AHSA1: variants seen among roughly 807,000 people sequenced by gnomAD.
AHSA1 encodes activator of HSP90 ATPase activity 1.
Under a neutral mutation model 46.1 loss-of-function variants are expected in AHSA1, and 14 were observed. That is an observed-to-expected ratio of 0.30 (90% CI 0.20 to 0.47). AHSA1 has a LOEUF of 0.47. Among genes scored for constraint, AHSA1 ranks in the 20% least tolerant of loss-of-function variants. The pLI, the probability that AHSA1 is intolerant of heterozygous loss-of-function variation, is 0.99. For missense variants in AHSA1, 333 were observed against 415.9 expected, an observed-to-expected ratio of 0.80 and a Z score of 1.73; for synonymous variants, 147 against 145.8, an observed-to-expected ratio of 1.01 and a Z score of -0.06.
Position 77,459,711 on chromosome 14 carries a change from C to T in AHSA1, c.176C>T (p.Thr59Met), listed in dbSNP as rs2079013408. The change falls in exon 2 of 9, where the codon ACG (threonine) becomes ATG (methionine). Residue 59 changes from threonine (T) to methionine (M), a missense_variant. Thr to Met is a moderately conservative substitution (Grantham distance 81). Coordinates refer to ENST00000216479, the MANE Select transcript of AHSA1 (RefSeq NM_012111.3). ...VQNEEGKCEV[T>M]EVSKLDGEAS... is the part of the protein sequence containing the mutation. Reference sequence around the variant, plus strand: ...AATGAAGAAGGCAAGTGTGAGGTGACGGAAGTGAGTAAGCTTGATGGAGAG... The same window carrying T: ...AATGAAGAAGGCAAGTGTGAGGTGATGGAAGTGAGTAAGCTTGATGGAGAG... 3.1e-6 allele frequency: 5 copies of T among 1,613,996 alleles called. No individual in the cohort carries two copies. The highest frequency in any genetic ancestry group is 2.2e-5 in the South Asian group (2 of 91,088).
chr14:77,460,917 T>C (rs1226932926), intron 2 of AHSA1, among the ~76,000 whole-genome samples: 1 of 151,900 alleles, frequency 6.6e-6, no homozygotes, highest in African/African-American at 2.4e-5. Flanking sequence ...CCCAGCACTT[T>C]GGGAGGCCAA....
intron 8 of AHSA1, 87 bp from the exon 9 acceptor site, chr14:77,468,990 G>C (rs1415897903): frequency 6.7e-7 from 1 of 1,493,890 alleles, no homozygotes; most frequent in South Asian, 1.2e-5. Flanking sequence ...TTACAGGTGT[G>C]AGCCACCACG....
chr14:77,462,657 G>A lies in AHSA1; in HGVS notation c.370G>A (p.Ala124Thr). The A allele has an allele frequency of 6.2e-7, 1 of 1,614,152 alleles. No individual in the cohort carries two copies. The highest frequency in any genetic ancestry group is 1.3e-5 in the African/African-American group (1 of 75,048). The change falls in exon 4 of 9, where the codon GCC becomes ACC. Residue 124 changes from alanine (A) to threonine (T), a missense_variant. Physicochemically the swap from Ala to Thr is moderately conservative, Grantham distance 58 (BLOSUM62 0). Transcript: ENST00000216479. ...VDEVEISVSL[A>T]KDEPDTNLVA... ...TTTCACCCAGATTAGTGTGAGCCTTGCCAAAGATGAGCCTGACACAAATCT... is the reference window on the plus strand; with the variant it reads ...TTTCACCCAGATTAGTGTGAGCCTTACCAAAGATGAGCCTGACACAAATCT...
At position 77,460,779 on chromosome 14, in the gene AHSA1, C is replaced by T. The variant is rs191629328; in HGVS notation, c.271+973C>T. Among the ~76,000 whole-genome samples, 750 of 151,498 alleles carry T rather than the reference C, an allele frequency of 5.0e-3. 7 individuals are homozygous for T. Among genetic ancestry groups the T allele is most frequent in the African/African-American group, 0.017 (704 of 41,258 alleles). On this transcript the variant is annotated intron_variant, in intron 2 of 8. Transcript: ENST00000216479. ...TTCACCATGTTGGCCAGGCTGGTCT[C>T]GAACTGTGTCTGGCCGACGCTTTTT... is the stretch of plus-strand genomic sequence containing the variant.
At chr14:77,462,998 G>A (rs2079032312) in intron 4 of AHSA1, 1 of 400,268 alleles carries the variant, frequency 2.5e-6, no homozygotes, top group East Asian at 4.9e-5. Flanking sequence ...GTACTGTGAT[G>A]GCCTGGCGCG....
Position 77,462,234 on chromosome 14 carries a change from G to A in AHSA1, c.346G>A (p.Glu116Lys). The A allele has an allele frequency of 6.2e-7, 1 of 1,613,412 alleles. No homozygotes were observed. Among genetic ancestry groups the A allele is most frequent in the Non-Finnish European group, 8.5e-7 (1 of 1,179,302 alleles). The stretch of plus-strand genomic sequence containing the variant: ...TTTGTCTGATGAAAACAGCGTGGAT[G>A]AAGTGGAGGTTTGTGCTTCATAACT... ...PNLSDENSVD[E>K]VEISVSLAKD... The change falls in exon 3 of 9, where the codon GAA (glutamate) becomes AAA (lysine). Residue 116 changes from glutamate (E) to lysine (K), a missense_variant. Coordinates refer to ENST00000216479, the MANE Select transcript of AHSA1 (RefSeq NM_012111.3).
At chr14:77,463,705 C>G (rs2079036138) in intron 4 of AHSA1, among the ~76,000 whole-genome samples, 1 of 152,042 alleles carries the variant, frequency 6.6e-6, no homozygotes, top group African/African-American at 2.4e-5. Context: ...TCTGGACTAT[C>G]TTTGATATGC....
intron 6 of AHSA1, 129 bp downstream of exon 6, chr14:77,465,796 A>C (rs1038241851): frequency 2.2e-6 from 2 of 907,656 alleles, no homozygotes; most frequent in African/African-American, 3.4e-5. Flanking sequence ...TGAGGCCTTC[A>C]TCAAAGTGAA....
At chr14:77,459,441 C>T (rs1345222897) in intron 1 of AHSA1, among the ~76,000 whole-genome samples, 175 bp from the exon 2 acceptor site, 1 of 152,128 alleles carries the variant, frequency 6.6e-6, no homozygotes, top group Admixed American at 6.6e-5. Flanking sequence ...CAGTGTGCAA[C>T]CCCTTGTCTT....
At position 77,465,320 on chromosome 14, in the gene AHSA1, T is replaced by G. The variant is rs144154385; in HGVS notation, c.562-219T>G. Among the ~76,000 whole-genome samples, 465 of 152,358 alleles carry G rather than the reference T, an allele frequency of 3.1e-3. 3 individuals are homozygous for G. Among genetic ancestry groups the G allele is most frequent in the African/African-American group, 0.011 (437 of 41,590 alleles). On this transcript the variant is annotated intron_variant, in intron 5 of 8. Transcript: ENST00000216479. The stretch of plus-strand genomic sequence containing the variant: ...TATTTGACTATCAGGGTCTTCCTTG[T>G]AGAGTGGTTATTTTTACTGGGAATT...
chr14:77,460,359 C>T (rs2139936882), intron 2 of AHSA1: 1 of 162,156 alleles, frequency 6.2e-6, no homozygotes, highest in Non-Finnish European at 1.4e-5. Flanking sequence ...TAAAAAGGCA[C>T]TAAAGCTAAG....
rs368267453 is a variant in AHSA1, at chr14:77,469,081, C to T, written c.849C>T (p.His283=). 3.7e-5 allele frequency: 60 copies of T among 1,613,958 alleles called. No individual in the cohort carries two copies. In the Middle Eastern group the frequency reaches 6.6e-4, roughly 18 times the overall value. ...KWRFKSWPEG[H]FATITLTFID... The stretch of plus-strand genomic sequence containing the variant: ...CGTCCCCTCTGCCTTTCCCAGGACA[C>T]TTTGCCACCATCACCTTGACCTTCA... Residue 283 remains histidine (H), a synonymous_variant, in exon 9 of 9, where the codon CAC becomes CAT. Coordinates refer to ENST00000216479, the MANE Select transcript of AHSA1 (RefSeq NM_012111.3).
intron 5 of AHSA1, 81 bp from the exon 6 acceptor site, chr14:77,465,458 T>C (rs1206680399): frequency 6.1e-6 from 9 of 1,464,532 alleles, no homozygotes; most frequent in Middle Eastern, 1.8e-4. Flanking sequence ...TGAGAATGAA[T>C]GGTACAACTG....
chr14:77,459,855 C>G (rs1272075216), intron 2 of AHSA1, 49 bp downstream of exon 2: 1 of 1,596,806 alleles, frequency 6.3e-7, no homozygotes. Context: ...TTTGTTTAAC[C>G]TGTTAAGTAG....
In AHSA1 at chr14:77,458,147, C is replaced by A. The variant is rs1350527721; in HGVS notation, c.-43C>A. 3 of 1,500,196 alleles carry A rather than the reference C, an allele frequency of 2.0e-6. No homozygotes were observed. The highest frequency in any genetic ancestry group is 2.7e-5 in the East Asian group (1 of 37,192). The allele number at this position is 1,500,196 out of a possible 1,614,324, so 92.9% of individuals were successfully genotyped here. A position where few individuals can be genotyped will look rare whatever the true frequency, so the allele number is the denominator to read the frequency against. ...GCACTAAGCGGTCCTGAGGCTGTGG[C>A]TACGGCTGCTCCGGAGCTGGTGGCG... On this transcript the variant is annotated 5_prime_UTR_variant, in exon 1 of 9. Transcript: ENST00000216479.
chr14:77,462,310 T>C, intron 3 of AHSA1, 68 bp downstream of exon 3: 1 of 1,461,846 alleles, frequency 6.8e-7, no homozygotes, highest in Non-Finnish European at 9.6e-7. Flanking sequence ...AAAAGTGACC[T>C]GTCATTCAGG....
chr14:77,459,753 G>A lies in AHSA1; in HGVS notation c.218G>A (p.Arg73His), dbSNP rs2079013609. ...KLDGEASINN[R>H]KGKLIFFYEW... is the part of the protein sequence containing the mutation. ...GATGGAGAGGCATCCATTAACAATCGCAAAGGGAAACTTATCTTCTTTTAT... is the reference window on the plus strand; with the variant it reads ...GATGGAGAGGCATCCATTAACAATCACAAAGGGAAACTTATCTTCTTTTAT... The change falls in exon 2 of 9, where the codon CGC becomes CAC. Residue 73 changes from arginine to histidine, a missense_variant. By Grantham distance (29) the Arg-to-His change is conservative (BLOSUM62 0). Coordinates refer to ENST00000216479, the MANE Select transcript of AHSA1 (RefSeq NM_012111.3). 2 of 1,614,066 alleles carry A rather than the reference G, an allele frequency of 1.2e-6. No homozygotes were observed. Among genetic ancestry groups the A allele is most frequent in the Non-Finnish European group, 1.7e-6 (2 of 1,180,032 alleles).
At chr14:77,459,922 T>G (rs188746112) in intron 2 of AHSA1, 116 bp downstream of exon 2, 1 of 1,141,444 alleles carries the variant, frequency 8.8e-7, no homozygotes, top group Non-Finnish European at 1.3e-6. Flanking sequence ...CAGATGTTGC[T>G]GCTTTGGAGT....
intron 4 of AHSA1, among the ~76,000 whole-genome samples, chr14:77,463,412 C>T (rs1419699843): frequency 6.6e-6 from 1 of 151,924 alleles, no homozygotes; most frequent in Non-Finnish European, 1.5e-5. Context: ...AATAGAGAAA[C>T]CCCATCTCTA....
Sources: allele counts gnomAD v4.1 joint callset (sites outside exome capture counted in the v4.1 genomes callset), GRCh38; gene constraint gnomAD v4.1.1; transcripts MANE v1.5; gene names NCBI Gene and HGNC (gene_info 2026-07-23, HGNC 2026-07-21).